The following L3MBTL3 variants were observed in gnomAD, a reference collection of about 807,000 sequenced individuals.
The protein encoded by L3MBTL3 is L3MBTL histone methyl-lysine binding protein 3, also known as lethal(3)malignant brain tumor-like protein 3.
A neutral mutation model predicts 102.3 loss-of-function variants in L3MBTL3; 27 were observed. That is an observed-to-expected ratio of 0.26 (90% confidence interval 0.19 to 0.36). The LOEUF (loss-of-function observed/expected upper bound fraction) is 0.36. Among genes scored for constraint, L3MBTL3 ranks in the 10% least tolerant of loss-of-function variants. The pLI is 1.00. For synonymous variants in L3MBTL3, 340 were observed against 320.9 expected (o/e 1.06, Z -0.64); for missense variants, 798 against 955.3 (o/e 0.84, Z 2.17).
At chr6:130,092,670 A>G in intron 16 of L3MBTL3, 75 bp from the exon 17 acceptor site, 2 of 826,734 alleles carry the variant, frequency 2.4e-6, no homozygotes, top group Non-Finnish European at 4.1e-6. Context: ...GAAAATGGTT[A>G]TGCTGTGGGC....
At chr6:130,066,284 G>GTA in intron 10 of L3MBTL3, 69 bp from the exon 11 acceptor site, 5 of 268,646 alleles carry the variant, frequency 1.9e-5, no homozygotes, top group Non-Finnish European at 2.3e-5. Flanking sequence ...GTTTATTTTT[G>GTA]TGTATATATA....
chr6:130,071,396 G>A (rs529198322), intron 13 of L3MBTL3, among the ~76,000 whole-genome samples: 2 of 151,958 alleles, frequency 1.3e-5, no homozygotes, highest in Non-Finnish European at 2.9e-5. Flanking sequence ...ATGTTCACAC[G>A]TATTTTAATC....
intron 18 of L3MBTL3, among the ~76,000 whole-genome samples, chr6:130,100,009 A>G (rs932146325): frequency 9.2e-5 from 14 of 152,168 alleles, no homozygotes; most frequent in African/African-American, 1.9e-4. Context: ...GAATAAGGAA[A>G]TTCTTCAATG....
intron 19 of L3MBTL3, among the ~76,000 whole-genome samples, chr6:130,111,668 C>T (rs962934145): frequency 3.3e-5 from 5 of 152,190 alleles, no homozygotes; most frequent in Non-Finnish European, 5.9e-5. Context: ...AGGTCACCTG[C>T]TCAGAATAGA....
intron 16 of L3MBTL3, among the ~76,000 whole-genome samples, 186 bp downstream of exon 16, chr6:130,086,436 A>G (rs1188117030): frequency 6.6e-6 from 1 of 152,228 alleles, no homozygotes; most frequent in East Asian, 1.9e-4. Flanking sequence ...TGCATAAAAC[A>G]ATTTATCTTT....
Position 130,083,693 on chromosome 6 carries a change from A to G in L3MBTL3, c.1395A>G (p.Arg465=). 6.6e-7 allele frequency: 1 copy of G among 1,524,190 alleles called. No individual in the cohort carries two copies. Among genetic ancestry groups the G allele is most frequent in the Non-Finnish European group, 8.9e-7 (1 of 1,121,628 alleles). The allele number at this position is 1,524,190 out of a possible 1,614,324, so 94.4% of individuals were successfully genotyped here. ...CCAATTCTTTACCTGCTCCTGCAAGAGCTTTCAAAGTGGTAAGATGATACA... is the reference window on the plus strand; with the variant it reads ...CCAATTCTTTACCTGCTCCTGCAAGGGCTTTCAAAGTGGTAAGATGATACA... ...EETNSLPAPA[R]AFKVKPPHGF... The change falls in exon 15 of 23, where the codon AGA becomes AGG. Residue 465 remains arginine, a synonymous_variant. Coordinates refer to ENST00000361794, the MANE Select transcript of L3MBTL3 (RefSeq NM_032438.4).
chr6:130,126,360 C>A (rs1002888560), intron 20 of L3MBTL3, among the ~76,000 whole-genome samples: 1 of 152,094 alleles, frequency 6.6e-6, no homozygotes, highest in African/African-American at 2.4e-5. Flanking sequence ...CTGGCACTTG[C>A]CCTCCTGGGT....
intron 20 of L3MBTL3, 106 bp downstream of exon 20, chr6:130,121,064 TA>T: frequency 1.4e-6 from 1 of 724,914 alleles, no homozygotes; most frequent in South Asian, 2.1e-5. Flanking sequence ...AAATGAATTT[TA>T]TTTTTTATTT....
intron 18 of L3MBTL3, among the ~76,000 whole-genome samples, chr6:130,101,638 C>T (rs1784693666): frequency 6.6e-6 from 1 of 152,212 alleles, no homozygotes; most frequent in Non-Finnish European, 1.5e-5. Context: ...GGACTGAGAG[C>T]AGTGGCGTGA....
intron 2 of L3MBTL3, among the ~76,000 whole-genome samples, chr6:130,039,887 A>G (rs1040910024): frequency 2.6e-5 from 4 of 152,216 alleles, no homozygotes; most frequent in African/African-American, 9.6e-5. Flanking sequence ...GAATATTTTA[A>G]TAGACTTTTC....
intron 2 of L3MBTL3, among the ~76,000 whole-genome samples, chr6:130,042,058 T>G (rs1023522733): frequency 2.6e-5 from 4 of 152,212 alleles, no homozygotes; most frequent in African/African-American, 9.6e-5. Context: ...ACATAATTAC[T>G]TATTTGTTTT....
chr6:130,068,019 C>T (rs543754936), intron 11 of L3MBTL3, among the ~76,000 whole-genome samples: 2 of 152,124 alleles, frequency 1.3e-5, no homozygotes, highest in African/African-American at 2.4e-5. Context: ...GTATCTATAC[C>T]GCTGAGGAAT....
intron 20 of L3MBTL3, among the ~76,000 whole-genome samples, chr6:130,131,628 TAGGAA>T (rs997054043): frequency 6.6e-6 from 1 of 152,156 alleles, no homozygotes; most frequent in African/African-American, 2.4e-5. Flanking sequence ...AAAAGTGTAT[TAGGAA>T]AGGAAAGGAA....
intron 12 of L3MBTL3, 26 bp from the exon 13 acceptor site, chr6:130,070,950 C>G (rs771925592): frequency 1.2e-6 from 2 of 1,605,088 alleles, no homozygotes; most frequent in African/African-American, 1.3e-5. Context: ...GTGCTTATCT[C>G]TAATTAAATC....
chr6:130,133,500 T>C lies in L3MBTL3; in HGVS notation c.2015T>C (p.Val672Ala), dbSNP rs771181116. ...TVQQAQRRSA[V>A]FLSFKSPIPC... ...CAGCAGGCACAGCGTCGGTCAGCTG[T>C]CTTTCTGTCCTTTAAGTCCCCAATT... Residue 672 changes from valine (V) to alanine (A), a missense_variant, in exon 21 of 23, where the codon GTC becomes GCC. Transcript: ENST00000361794. The surrounding 1 kb of genome is among the most constrained non-coding windows in gnomAD (Gnocchi z 4.9). 8 of 1,614,018 alleles carry C rather than the reference T, an allele frequency of 5.0e-6. No homozygotes were observed. The highest frequency in any genetic ancestry group is 2.2e-5 in the South Asian group (2 of 91,076).
chr6:130,130,869 A>G (rs1300360185), intron 20 of L3MBTL3, among the ~76,000 whole-genome samples: 2 of 152,236 alleles, frequency 1.3e-5, no homozygotes, highest in African/African-American at 4.8e-5. Context: ...GACTCAGCAT[A>G]GTGACTTTCT....
chr6:130,056,402 C>T (rs1020454031), intron 8 of L3MBTL3, among the ~76,000 whole-genome samples: 1 of 152,182 alleles, frequency 6.6e-6, no homozygotes, highest in Non-Finnish European at 1.5e-5. Context: ...GCTCTATCCC[C>T]TTGCCTGCCT....
In L3MBTL3 at chr6:130,060,600, G is replaced by A. The variant is rs779690389; in HGVS notation, c.864+460G>A. On this transcript the variant is annotated intron_variant, in intron 10 of 22. Coordinates refer to ENST00000361794, the MANE Select transcript of L3MBTL3 (RefSeq NM_032438.4). ...GTACTTTAAAAACTGTGACCACACA[G>A]CTTCAAAGTGGTCGAACCAGGATTT... Among the ~76,000 whole-genome samples, 6 of 152,044 alleles carry A rather than the reference G, an allele frequency of 3.9e-5. No individual in the cohort carries two copies. The East Asian group carries it at 7.7e-4, about 20-fold the overall frequency.
chr6:130,038,761 C>T (rs576518612), intron 2 of L3MBTL3, among the ~76,000 whole-genome samples: 5 of 152,076 alleles, frequency 3.3e-5, no homozygotes, highest in Non-Finnish European at 5.9e-5. Context: ...TGTGCAGAAT[C>T]GTTTTAGTTT....
Sources: gnomAD v4.1 joint callset for allele counts (sites outside exome capture counted in the v4.1 genomes callset) on GRCh38, gnomAD v4.1.1 for gene constraint, Gnocchi (gnomAD v3.1) non-coding constraint, MANE v1.5 for transcripts, NCBI Gene and HGNC (gene_info 2026-07-23, HGNC 2026-07-21) for gene names.